TRPM3: variants seen among roughly 807,000 people sequenced by gnomAD.
The protein encoded by TRPM3 is transient receptor potential cation channel subfamily M member 3, also known as long transient receptor potential channel 3.
Under a neutral mutation model 181.2 loss-of-function variants are expected in TRPM3, and 77 were observed. The observed-to-expected ratio is 0.42, with a 90% CI of 0.35 to 0.51. The LOEUF is 0.51. Ranked by LOEUF, TRPM3 falls within the 20% of genes least tolerant of loss-of-function variation. The probability of loss-of-function intolerance (pLI) is 0.01; values close to 1 mark genes in which losing one functional copy is unlikely to be tolerated. For missense variants in TRPM3, 1,759 were observed against 2,196.7 expected (o/e 0.80, Z 3.98); for synonymous variants, 745 against 796.4 (o/e 0.94, Z 1.09).
chr9:70,587,454 C>T (rs539149145), intron 22 of TRPM3, among the ~76,000 whole-genome samples: 7 of 152,188 alleles, frequency 4.6e-5, no homozygotes, highest in Non-Finnish European at 7.3e-5. Flanking sequence ...AGAGACACCC[C>T]GTTTTCCCTG....
At chr9:70,945,477 T>A (rs2096923971) in intron 1 of TRPM3, among the ~76,000 whole-genome samples, 1 of 152,192 alleles carries the variant, frequency 6.6e-6, no homozygotes, top group African/African-American at 2.4e-5. Context: ...CCACCTTCCT[T>A]GCTAGACTGC....
chr9:70,611,744 A>C (rs2062030587), intron 18 of TRPM3, among the ~76,000 whole-genome samples: 1 of 152,214 alleles, frequency 6.6e-6, no homozygotes, highest in Non-Finnish European at 1.5e-5. Flanking sequence ...TCCTGTGAAC[A>C]CTGCCTTCCT....
chr9:71,017,498 T>C (rs536667916), intron 1 of TRPM3, among the ~76,000 whole-genome samples: 10 of 151,952 alleles, frequency 6.6e-5, no homozygotes, highest in African/African-American at 1.7e-4. Flanking sequence ...TATAAGGATG[T>C]AAAATGTTTA....
intron 8 of TRPM3, among the ~76,000 whole-genome samples, chr9:70,695,702 G>A (rs1336634532): frequency 6.6e-6 from 1 of 152,172 alleles, no homozygotes; most frequent in Non-Finnish European, 1.5e-5. Flanking sequence ...CACTTATTGT[G>A]TACTTACGAC....
intron 1 of TRPM3, among the ~76,000 whole-genome samples, chr9:71,090,229 T>C (rs1209424573): frequency 6.6e-6 from 1 of 152,088 alleles, no homozygotes; most frequent in East Asian, 1.9e-4. Context: ...TTTCAAGCTT[T>C]CAAGGACAGA....
chr9:70,872,093 T>C (rs572220277), intron 1 of TRPM3, among the ~76,000 whole-genome samples: 1 of 152,166 alleles, frequency 6.6e-6, no homozygotes, highest in Admixed American at 6.6e-5. Context: ...AAAGTAGTGG[T>C]TAGCAAACGT....
intron 1 of TRPM3, among the ~76,000 whole-genome samples, chr9:71,001,344 T>C (rs1485759441): frequency 2.0e-5 from 3 of 152,178 alleles, no homozygotes; most frequent in African/African-American, 7.2e-5. Flanking sequence ...AATATAAAGA[T>C]ACAGAAAGAG....
rs527353980 is a variant in TRPM3, at chr9:70,767,643, A to T, written c.1149-5919T>A. Reference sequence around the variant, plus strand: ...AGACTACAATAGCTCAACTGTGGCCATATGTTTGGGGCCTCAATTCTGTTC... The same window carrying T: ...AGACTACAATAGCTCAACTGTGGCCTTATGTTTGGGGCCTCAATTCTGTTC... On this transcript the variant is annotated intron_variant, in intron 7 of 25. Transcript: ENST00000677713. Among the ~76,000 whole-genome samples the T allele has an allele frequency of 3.9e-5, 6 of 152,262 alleles. No individual in the cohort carries two copies. The East Asian group carries it at 1.2e-3, about 30-fold the overall frequency.
chr9:70,864,568 C>T (rs962293819), intron 1 of TRPM3, 57 bp from the exon 2 acceptor site: 141 of 1,267,852 alleles, frequency 1.1e-4, no homozygotes, highest in Non-Finnish European at 1.3e-4. Flanking sequence ...GTGAACATAC[C>T]GTGAAATATT....
intron 22 of TRPM3, among the ~76,000 whole-genome samples, chr9:70,561,670 C>T (rs1279754200): frequency 6.6e-6 from 1 of 152,164 alleles, no homozygotes; most frequent in Admixed American, 6.5e-5. Context: ...AGGTAAGATG[C>T]TAACTGATAA....
intron 14 of TRPM3, among the ~76,000 whole-genome samples, chr9:70,622,083 C>T (rs1168042985): frequency 6.6e-6 from 1 of 152,052 alleles, no homozygotes; most frequent in East Asian, 1.9e-4. Flanking sequence ...AGAGAAGAAA[C>T]CTCAGGAATG....
At chr9:71,109,527 T>C (rs904823499) in intron 1 of TRPM3, among the ~76,000 whole-genome samples, 3 of 152,196 alleles carry the variant, frequency 2.0e-5, no homozygotes, top group African/African-American at 7.2e-5. Flanking sequence ...TTATGAATAA[T>C]ACAAAACAGT....
intron 6 of TRPM3, among the ~76,000 whole-genome samples, chr9:70,799,111 A>C (rs2088110305): frequency 6.6e-6 from 1 of 152,232 alleles, no homozygotes; most frequent in African/African-American, 2.4e-5. Flanking sequence ...ACAAAGGTTT[A>C]CATTCTTCCC....
intron 22 of TRPM3, among the ~76,000 whole-genome samples, chr9:70,587,141 C>T (rs969474221): frequency 6.6e-6 from 1 of 151,966 alleles, no homozygotes; most frequent in African/African-American, 2.4e-5. Flanking sequence ...AAAAAGTAAC[C>T]CAGGCATTAA....
intron 8 of TRPM3, among the ~76,000 whole-genome samples, chr9:70,744,769 TC>T (rs1382319052): frequency 6.6e-6 from 1 of 152,170 alleles, no homozygotes; most frequent in African/African-American, 2.4e-5. Flanking sequence ...AGTTTAATAT[TC>T]ATTCAGATTG....
chr9:70,838,835 G>A (rs540428992), intron 5 of TRPM3, among the ~76,000 whole-genome samples: 3 of 152,110 alleles, frequency 2.0e-5, no homozygotes, highest in Non-Finnish European at 2.9e-5. Flanking sequence ...TCTGTTGTTC[G>A]ATCTATTAAT....
intron 1 of TRPM3, among the ~76,000 whole-genome samples, chr9:71,384,499 C>T (rs1043463122): frequency 1.3e-5 from 2 of 152,214 alleles, no homozygotes; most frequent in East Asian, 3.8e-4. Context: ...ACACGGCTGT[C>T]GTCATGGAGA....
At chr9:70,756,702 A>G (rs1368750224) in intron 8 of TRPM3, among the ~76,000 whole-genome samples, 2 of 152,204 alleles carry the variant, frequency 1.3e-5, no homozygotes, top group Non-Finnish European at 2.9e-5. Context: ...CCATACAACT[A>G]CATGGAAACT....
intron 8 of TRPM3, among the ~76,000 whole-genome samples, chr9:70,749,176 T>C (rs1564113012): frequency 6.6e-6 from 1 of 152,232 alleles, no homozygotes. Context: ...TGAGCCACTG[T>C]GTCCAGACAA....
Sources: gnomAD v4.1 joint callset for allele counts (sites outside exome capture counted in the v4.1 genomes callset) on GRCh38, gnomAD v4.1.1 for gene constraint, MANE v1.5 for transcripts, NCBI Gene and HGNC (gene_info 2026-07-23, HGNC 2026-07-21) for gene names.